Variants in KREMEN1 observed in about 807,000 individuals in gnomAD.
KREMEN1 encodes the protein kringle containing transmembrane protein 1.
Under a neutral mutation model 46.5 loss-of-function variants are expected in KREMEN1, and 30 were observed. The ratio of observed to expected loss-of-function variants is 0.65; its 90% CI spans 0.48 to 0.88. The LOEUF is 0.88. KREMEN1 is among the 40% of genes least tolerant of loss of function. The pLI is 0.00. For synonymous variants in KREMEN1, 214 were observed against 230.6 expected, an observed-to-expected ratio of 0.93 and a Z score of 0.65; for missense variants, 533 against 596.9, an observed-to-expected ratio of 0.89 and a Z score of 1.11.
chr22:29,096,645 C>G (rs2037887218), intron 2 of KREMEN1, among the ~76,000 whole-genome samples: 1 of 152,168 alleles, frequency 6.6e-6, no homozygotes, highest in Admixed American at 6.5e-5. Flanking sequence ...ATTATCACAT[C>G]AAAGAGCCCA....
chr22:29,151,974 C>T (rs544119383), intron 9 of KREMEN1, among the ~76,000 whole-genome samples: 7 of 148,458 alleles, frequency 4.7e-5, no homozygotes, highest in South Asian at 2.1e-4. Context: ...TGTGCCATTG[C>T]ACTCCAGCCT....
At chr22:29,148,725 G>A (rs571624148), downstream of KREMEN1, among the ~76,000 whole-genome samples, 1 of 152,048 alleles carries the variant, frequency 6.6e-6, no homozygotes, top group African/African-American at 2.4e-5. Context: ...AAAGTGCTGG[G>A]ATTACAGGTG....
intron 4 of KREMEN1, among the ~76,000 whole-genome samples, chr22:29,124,377 C>T (rs955362652): frequency 7.9e-5 from 12 of 152,164 alleles, no homozygotes; most frequent in South Asian, 4.1e-4. Flanking sequence ...AAGGAAAATG[C>T]GTCAGTGGTT....
chr22:29,150,352 G>A (rs758501215), downstream of KREMEN1, among the ~76,000 whole-genome samples: 5 of 152,178 alleles, frequency 3.3e-5, no homozygotes, highest in African/African-American at 1.2e-4. Flanking sequence ...GAATAAACCC[G>A]TTAGCTCTGG....
In KREMEN1 at chr22:29,144,546, G is replaced by A. The variant is rs975597301; in HGVS notation, c.*2434G>A. On this transcript the variant is annotated 3_prime_UTR_variant, in exon 9 of 9. Coordinates refer to ENST00000400335, the MANE Select transcript of KREMEN1 (RefSeq NM_001039570.3). Reference sequence around the variant, plus strand: ...AGGCCTGTCACACAGGAGGACCGCTGGAAACATACCAACACGTGCAGTCTC... The same window carrying A: ...AGGCCTGTCACACAGGAGGACCGCTAGAAACATACCAACACGTGCAGTCTC... 7.1e-6 allele frequency: 7 copies of A among 985,426 alleles called. No individual in the cohort carries two copies. The African/African-American group carries it at 1.0e-4, about 15-fold the overall frequency. The allele number at this position is 985,426 out of a possible 1,614,324, so 61.0% of individuals were successfully genotyped here.
chr22:29,104,970 A>C (rs1427552660), intron 3 of KREMEN1, among the ~76,000 whole-genome samples: 1 of 152,240 alleles, frequency 6.6e-6, no homozygotes. Context: ...GACATTTCTT[A>C]AGCTCTGACC....
intron 3 of KREMEN1, among the ~76,000 whole-genome samples, chr22:29,112,146 C>T (rs917338945): frequency 2.0e-5 from 3 of 152,162 alleles, no homozygotes; most frequent in African/African-American, 7.2e-5. Flanking sequence ...TTGGCTCATT[C>T]ATCCACTCAC....
At position 29,145,689 on chromosome 22, in the gene KREMEN1, C is replaced by T; in HGVS notation, c.*3577C>T. On this transcript the variant is annotated 3_prime_UTR_variant, in exon 9 of 9. Transcript: ENST00000400335. ...AAGCAGAGAATGAGTAGGAGTGAAC[C>T]CGAGTGACTTCACCCGCCCTGTCCC... is the stretch of plus-strand genomic sequence containing the variant. 2 of 985,504 alleles carry T rather than the reference C, an allele frequency of 2.0e-6. No homozygotes were observed. Among genetic ancestry groups the T allele is most frequent in the Non-Finnish European group, 2.4e-6 (2 of 829,982 alleles). The allele number at this position is 985,504 out of a possible 1,614,324, so 61.0% of individuals were successfully genotyped here.
chr22:29,121,411 G>T lies in KREMEN1; in HGVS notation c.407G>T (p.Gly136Val). ...KDHGNPPPLT[G>V]TSKTSNKLTI... Reference sequence around the variant, plus strand: ...CATGGAAACCCACCTCCTCTAACTGGCACCAGTAAAACGTCCAACAAACTC... The same window carrying T: ...CATGGAAACCCACCTCCTCTAACTGTCACCAGTAAAACGTCCAACAAACTC... The change falls in exon 4 of 9, where the codon GGC (glycine) becomes GTC (valine). Residue 136 changes from glycine (G) to valine (V), a missense_variant. Transcript: ENST00000400335. The T allele has an allele frequency of 6.2e-7, 1 of 1,613,964 alleles. No individual in the cohort carries two copies. Among genetic ancestry groups the T allele is most frequent in the South Asian group, 1.1e-5 (1 of 91,080 alleles).
intron 5 of KREMEN1, among the ~76,000 whole-genome samples, chr22:29,133,405 A>G (rs1459905486): frequency 1.3e-5 from 2 of 151,878 alleles, no homozygotes; most frequent in African/African-American, 4.8e-5. Flanking sequence ...GGCTCAAGCA[A>G]TCCTCCTGCC....
chr22:29,166,225 C>CTT (rs60849888), intron 9 of KREMEN1, among the ~76,000 whole-genome samples: 5 of 144,514 alleles, frequency 3.5e-5, no homozygotes, highest in Admixed American at 7.0e-5. Context: ...CCAGATGGCT[C>CTT]TTTTTTTTTT....
chr22:29,077,512 G>C (rs768626627), intron 1 of KREMEN1, among the ~76,000 whole-genome samples: 27 of 152,284 alleles, frequency 1.8e-4, no homozygotes, highest in Non-Finnish European at 3.1e-4. Context: ...ACCATGCCTG[G>C]CTAGTATTTT....
chr22:29,144,018 T>A lies in KREMEN1; in HGVS notation c.*1906T>A, dbSNP rs1340872179. The A allele has an allele frequency of 9.1e-6, 9 of 985,426 alleles. No individual in the cohort carries two copies. The highest frequency in any genetic ancestry group is 1.1e-5 in the Non-Finnish European group (9 of 830,022). The allele number at this position is 985,426 out of a possible 1,614,324, so 61.0% of individuals were successfully genotyped here. On this transcript the variant is annotated 3_prime_UTR_variant, in exon 9 of 9. Coordinates refer to ENST00000400335, the MANE Select transcript of KREMEN1 (RefSeq NM_001039570.3). ...GTAAGTGCCATCACTAATTTAAAAG[T>A]CCTTGCCATCTGGAATCAGGCTTTG...
In KREMEN1 at chr22:29,133,303, C is replaced by CT. The variant is rs745679282; in HGVS notation, c.632-4025dup. On this transcript the variant is annotated intron_variant, in intron 5 of 8. Coordinates refer to ENST00000400335, the MANE Select transcript of KREMEN1 (RefSeq NM_001039570.3). The stretch of plus-strand genomic sequence containing the variant: ...TTTTATCTTTGGTTTTGGTTTTCAA[C>CT]TTTTTTTTTTTTTTGAGACAGGGTC... Among the ~76,000 whole-genome samples the CT allele has an allele frequency of 2.2e-3, 319 of 141,814 alleles. 2 individuals are homozygous for CT. Among genetic ancestry groups the CT allele is most frequent in the Admixed American group, 8.9e-3 (126 of 14,154 alleles). The allele number at this position is 141,814 out of a possible 152,430, so 93.0% of individuals were successfully genotyped here.
intron 7 of KREMEN1, among the ~76,000 whole-genome samples, chr22:29,139,634 G>A (rs147586599): frequency 2.0e-5 from 3 of 152,132 alleles, no homozygotes; most frequent in Non-Finnish European, 2.9e-5. Context: ...TTAGCTGGGC[G>A]TAGTGGCACA....
chr22:29,120,513 A>T (rs2038334625), intron 3 of KREMEN1, among the ~76,000 whole-genome samples: 1 of 137,518 alleles, frequency 7.3e-6, no homozygotes, highest in Admixed American at 7.3e-5. Context: ...GAAACGGAGG[A>T]GGGAGAGGTG....
intron 9 of KREMEN1, among the ~76,000 whole-genome samples, chr22:29,153,239 A>C (rs1474832000): frequency 1.3e-5 from 2 of 152,170 alleles, no homozygotes; most frequent in Non-Finnish European, 2.9e-5. Context: ...TCATTTTATC[A>C]GCGGGGTCTT....
At chr22:29,158,325 C>T (rs1465667365) in intron 9 of KREMEN1, among the ~76,000 whole-genome samples, 3 of 152,210 alleles carry the variant, frequency 2.0e-5, no homozygotes, top group Admixed American at 2.0e-4. Flanking sequence ...CCCAATAGCC[C>T]TGAAGACATC....
At position 29,142,618 on chromosome 22, in the gene KREMEN1, T is replaced by C; in HGVS notation, c.*506T>C. On this transcript the variant is annotated 3_prime_UTR_variant, in exon 9 of 9. Transcript: ENST00000400335. The stretch of plus-strand genomic sequence containing the variant: ...CTCTTGGGAGTTGGTCCCATACAAG[T>C]GCGGACTCCTGGACATTAGCGAGGT... 1 of 985,588 alleles carries C rather than the reference T, an allele frequency of 1.0e-6. No homozygotes were observed. The highest frequency in any genetic ancestry group is 1.2e-6 in the Non-Finnish European group (1 of 830,044). 61.1% of individuals were successfully genotyped at this position (985,588 alleles called of 1,614,324 possible).
Sources: gnomAD v4.1 joint callset for allele counts (sites outside exome capture counted in the v4.1 genomes callset) on GRCh38, gnomAD v4.1.1 for gene constraint, MANE v1.5 for transcripts, NCBI Gene and HGNC (gene_info 2026-07-23, HGNC 2026-07-21) for gene names.